The following OXNAD1 variants were observed in gnomAD, a reference collection of about 807,000 sequenced individuals.
OXNAD1 encodes oxidoreductase NAD-binding domain-containing protein 1.
Under a neutral mutation model 32.9 loss-of-function variants are expected in OXNAD1, and 34 were observed. That is an observed-to-expected ratio of 1.03 (90% CI 0.79 to 1.38). The LOEUF is 1.38. Ranked by LOEUF, OXNAD1 falls within the 40% of genes most tolerant of loss-of-function variation. The pLI, the probability that OXNAD1 is intolerant of heterozygous loss-of-function variation, is 0.00. For synonymous variants in OXNAD1, 134 were observed against 135.2 expected, an observed-to-expected ratio of 0.99 and a Z score of 0.06; for missense variants, 407 against 379.4, an observed-to-expected ratio of 1.07 and a Z score of -0.60.
In OXNAD1 at chr3:16,317,271, C is replaced by G; in HGVS notation, c.*30+13679C>G. 1 of 1,600,100 alleles carries G rather than the reference C, an allele frequency of 6.2e-7. No individual in the cohort carries two copies. The highest frequency in any genetic ancestry group is 8.5e-7 in the Non-Finnish European group (1 of 1,177,390). ...AGGATGGGGATAAATAACAAGCCTCCGGGAACCCAGAGCTTCACCCAAAGC... is the reference window on the plus strand; with the variant it reads ...AGGATGGGGATAAATAACAAGCCTCGGGGAACCCAGAGCTTCACCCAAAGC... On this transcript the variant is annotated intron_variant, in intron 9 of 9. Coordinates refer to the OXNAD1 transcript ENST00000435829. This position sits in a 1 kb window ranked among gnomAD's most constrained non-coding sequence, Gnocchi z 4.3.
downstream of OXNAD1, among the ~76,000 whole-genome samples, chr3:16,308,128 A>AT (rs1423710478): frequency 6.6e-6 from 1 of 152,146 alleles, no homozygotes; most frequent in Admixed American, 6.5e-5. The surrounding 1 kb of genome is among the most constrained non-coding windows in gnomAD (Gnocchi z 4.4). Flanking sequence ...TTGGGAAACT[A>AT]TTTTTTTGTA....
At position 16,290,539 on chromosome 3, in the gene OXNAD1, A is replaced by G. The variant is rs842272; in HGVS notation, c.290+4091A>G. On this transcript the variant is annotated intron_variant, in intron 5 of 8. Coordinates refer to ENST00000285083, the MANE Select transcript of OXNAD1 (RefSeq NM_138381.5). The surrounding 1 kb of genome is among the most constrained non-coding windows in gnomAD (Gnocchi z 4.2). ...GGAGATGAAGCAGCAAAAGTAGCTTATTAATGTATTTATTTTTTAAACATG... is the reference window on the plus strand; with the variant it reads ...GGAGATGAAGCAGCAAAAGTAGCTTGTTAATGTATTTATTTTTTAAACATG... Among the ~76,000 whole-genome samples, 62,233 of 152,054 alleles carry G rather than the reference A, an allele frequency of 0.41. 12,927 individuals are homozygous for G. Among genetic ancestry groups the G allele is most frequent in the South Asian group, 0.53 (2,548 of 4,824 alleles).
intron 9 of OXNAD1, among the ~76,000 whole-genome samples, chr3:16,323,993 A>G (rs1311629021): frequency 6.6e-6 from 1 of 152,196 alleles, no homozygotes; most frequent in Non-Finnish European, 1.5e-5. Context: ...TCTGGCTCAC[A>G]TGCGAGGGAG....
chr3:16,311,904 T>C (rs1457637315), intron 9 of OXNAD1, among the ~76,000 whole-genome samples: 1 of 152,232 alleles, frequency 6.6e-6, no homozygotes, highest in Admixed American at 6.5e-5. Flanking sequence ...TCTCAGCACC[T>C]AGCACAGTTG....
In OXNAD1 at chr3:16,265,654, A is replaced by G. The variant is rs1419868633; in HGVS notation, c.-159+149A>G. The G allele has an allele frequency of 3.2e-5, 5 of 154,952 alleles. No homozygotes were observed. The highest frequency in any genetic ancestry group is 7.2e-5 in the African/African-American group (3 of 41,508). The allele number at this position is 154,952 out of a possible 1,614,324, so 9.6% of individuals were successfully genotyped here. A position where few individuals can be genotyped will look rare whatever the true frequency, so the allele number is the denominator to read the frequency against. On this transcript the variant is annotated intron_variant, in intron 1 of 8. Coordinates refer to ENST00000285083, the MANE Select transcript of OXNAD1 (RefSeq NM_138381.5). This position sits in a 1 kb window ranked among gnomAD's most constrained non-coding sequence, Gnocchi z 4.8. ...ATTAACGACGATGATTTTTAGTAAT[A>G]GTAATAACATCACCTTTTATTATTG...
chr3:16,302,791 T>C lies in OXNAD1; in HGVS notation c.784+43T>C, dbSNP rs2067283455. The C allele has an allele frequency of 7.0e-7, 1 of 1,433,340 alleles. No homozygotes were observed. Among genetic ancestry groups the C allele is most frequent in the Non-Finnish European group, 9.8e-7 (1 of 1,023,762 alleles). The allele number at this position is 1,433,340 out of a possible 1,614,324, so 88.8% of individuals were successfully genotyped here. A position where few individuals can be genotyped will look rare whatever the true frequency, so the allele number is the denominator to read the frequency against. On this transcript the variant is annotated intron_variant, in intron 8 of 8. Coordinates refer to ENST00000285083, the MANE Select transcript of OXNAD1 (RefSeq NM_138381.5). The surrounding 1 kb of genome is among the most constrained non-coding windows in gnomAD (Gnocchi z 4.2). ...ATTTTGACTATCTCCATGCAGTTAT[T>C]TGATGGACACACCAGTTGGTTGAGC... is the stretch of plus-strand genomic sequence containing the variant.
At chr3:16,315,651 A>G (rs1046481509) in intron 9 of OXNAD1, 7 of 152,196 alleles carry the variant, frequency 4.6e-5, no homozygotes, top group African/African-American at 7.2e-5. Flanking sequence ...TCCACTTGCC[A>G]TCTCTTTCTA....
downstream of OXNAD1, among the ~76,000 whole-genome samples, chr3:16,338,424 T>C (rs1246239748): frequency 1.3e-5 from 2 of 152,222 alleles, no homozygotes; most frequent in Non-Finnish European, 2.9e-5. This position sits in a 1 kb window ranked among gnomAD's most constrained non-coding sequence, Gnocchi z 5.3. Flanking sequence ...AACACAAAGC[T>C]GCCACATCCT....
rs561022078 is a variant in OXNAD1 at position 16,342,453 on chromosome 3, T to C, written c.*31-6723T>C. Among the ~76,000 whole-genome samples, 2 of 152,226 alleles carry C rather than the reference T, an allele frequency of 1.3e-5. No individual in the cohort carries two copies. The highest frequency in any genetic ancestry group is 2.4e-5 in the African/African-American group (1 of 41,444). The stretch of plus-strand genomic sequence containing the variant: ...TCATTTGATGAACATTTAAGTTGTT[T>C]CTACTTTTTGGACATTACAAATAAA... On this transcript the variant is annotated intron_variant, in intron 9 of 9. Coordinates refer to the OXNAD1 transcript ENST00000606098. The surrounding 1 kb of genome is among the most constrained non-coding windows in gnomAD (Gnocchi z 4.0).
chr3:16,350,877 G>T (rs774598128), downstream of OXNAD1, among the ~76,000 whole-genome samples: 2 of 152,180 alleles, frequency 1.3e-5, no homozygotes. Flanking sequence ...AAAAAAGCCA[G>T]ATGGTTTAAA....
Position 16,297,691 on chromosome 3 carries a change from G to A in OXNAD1, c.432+2694G>A, listed in dbSNP as rs1431038398. Among the ~76,000 whole-genome samples the A allele has an allele frequency of 6.6e-6, 1 of 152,188 alleles. No individual in the cohort carries two copies. The highest frequency in any genetic ancestry group is 1.5e-5 in the Non-Finnish European group (1 of 68,032). On this transcript the variant is annotated intron_variant, in intron 6 of 8. Transcript: ENST00000285083. The surrounding 1 kb of genome is among the most constrained non-coding windows in gnomAD (Gnocchi z 4.3). ...TATTGATGCATGCAGCAATGTGGGT[G>A]AATCTCAGAGGCATTCTGTTGAGTG...
At chr3:16,306,444 C>G (rs1286998631), downstream of OXNAD1, among the ~76,000 whole-genome samples, 1 of 152,184 alleles carries the variant, frequency 6.6e-6, no homozygotes, top group Non-Finnish European at 1.5e-5. Flanking sequence ...CATCATCATA[C>G]CTAACACAAG....
At chr3:16,328,943 A>C (rs992397118) in intron 9 of OXNAD1, among the ~76,000 whole-genome samples, 4 of 152,234 alleles carry the variant, frequency 2.6e-5, no homozygotes, top group Non-Finnish European at 5.9e-5. Context: ...AAATTCTGCC[A>C]CACTGCAAGG....
In OXNAD1 at chr3:16,335,025, T is replaced by C. The variant is rs2125262238; in HGVS notation, c.*31-2087T>C. On this transcript the variant is annotated intron_variant, in intron 9 of 9. Transcript: ENST00000435829. This position sits in a 1 kb window ranked among gnomAD's most constrained non-coding sequence, Gnocchi z 4.7. ...TCGGTAACAGATTGTCTCCTAAAAGTCTCCACAAAGAATGTGGTCCTGTCA... is the reference window on the plus strand; with the variant it reads ...TCGGTAACAGATTGTCTCCTAAAAGCCTCCACAAAGAATGTGGTCCTGTCA... Among the ~76,000 whole-genome samples the C allele has an allele frequency of 2.0e-5, 3 of 152,278 alleles. No individual in the cohort carries two copies. The East Asian group carries it at 5.8e-4, about 29-fold the overall frequency.
At chr3:16,352,079 A>C (rs1239011178), downstream of OXNAD1, among the ~76,000 whole-genome samples, 4 of 152,206 alleles carry the variant, frequency 2.6e-5, no homozygotes, top group Admixed American at 2.0e-4. The surrounding 1 kb of genome is among the most constrained non-coding windows in gnomAD (Gnocchi z 4.6). Flanking sequence ...ATTCAAATAA[A>C]ATGTGTAAGA....
Position 16,301,428 on chromosome 3 carries a change from C to T in OXNAD1, c.433-198C>T, listed in dbSNP as rs1400938607. Among the ~76,000 whole-genome samples the T allele has an allele frequency of 2.0e-5, 3 of 152,112 alleles. No individual in the cohort carries two copies. Among genetic ancestry groups the T allele is most frequent in the South Asian group, 2.1e-4 (1 of 4,818 alleles). On this transcript the variant is annotated intron_variant, in intron 6 of 8. Transcript: ENST00000285083. This position sits in a 1 kb window ranked among gnomAD's most constrained non-coding sequence, Gnocchi z 4.1. ...TGGAATGGCTGTTCATTATGGATTA[C>T]GAAGGTGGATTAGCCTGTGGCCTAT...
chr3:16,286,400 T>C lies in OXNAD1; in HGVS notation c.242T>C (p.Leu81Pro). ...AASESPSVKSLRLLVADQDFS... is the reference protein window; with the variant it reads ...AASESPSVKSPRLLVADQDFS... ...AGTGAGTCACCGTCAGTGAAGAGCC[T>C]CCGCTTGCTTGTTGCTGATCAAGAC... Residue 81 changes from leucine to proline, a missense_variant, in exon 5 of 9, where the codon CTC becomes CCC. Leu to Pro is a moderately conservative substitution (Grantham distance 98, BLOSUM62 -3). Coordinates refer to ENST00000285083, the MANE Select transcript of OXNAD1 (RefSeq NM_138381.5). 6.2e-7 allele frequency: 1 copy of C among 1,613,990 alleles called. No individual in the cohort carries two copies. Among genetic ancestry groups the C allele is most frequent in the South Asian group, 1.1e-5 (1 of 91,088 alleles).
chr3:16,323,244 G>C, intron 9 of OXNAD1: 1 of 655,284 alleles, frequency 1.5e-6, no homozygotes, highest in Non-Finnish European at 2.7e-6. Context: ...GGGTTGCCAG[G>C]GGCTCAGGTG....
intron 9 of OXNAD1, among the ~76,000 whole-genome samples, chr3:16,325,109 G>A (rs1222307136): frequency 6.6e-6 from 1 of 152,206 alleles, no homozygotes; most frequent in Non-Finnish European, 1.5e-5. Context: ...TAAGAAAAAG[G>A]AGGGAGAGAA....
Sources: allele counts gnomAD v4.1 joint callset (sites outside exome capture counted in the v4.1 genomes callset), GRCh38; gene constraint gnomAD v4.1.1; non-coding constraint Gnocchi (gnomAD v3.1); transcripts MANE v1.5; gene names NCBI Gene and HGNC (gene_info 2026-07-23, HGNC 2026-07-21).